Variants in TPO observed in about 807,000 individuals in gnomAD.
The protein encoded by TPO is thyroid microsomal antigen.
Under a neutral mutation model 96.9 loss-of-function variants are expected in TPO, and 78 were observed. The ratio of observed to expected loss-of-function variants is 0.81; its 90% CI spans 0.67 to 0.97. TPO has a LOEUF of 0.97. TPO is among the 50% of genes least tolerant of loss of function. The pLI is 0.00. For missense variants in TPO, 1,252 were observed against 1,274.8 expected, an observed-to-expected ratio of 0.98 and a Z score of 0.27; for synonymous variants, 547 against 538.0, an observed-to-expected ratio of 1.02 and a Z score of -0.23.
chr2:1,529,130 G>GTGCTA (rs1677365624), intron 15 of TPO, among the ~76,000 whole-genome samples: 2 of 13,248 alleles, frequency 1.5e-4, no homozygotes, highest in Non-Finnish European at 2.8e-4. Context: ...CAACCTCCCC[G>GTGCTA]AATCCCCCCA....
At chr2:1,431,250 G>A (rs146828175) in intron 3 of TPO, among the ~76,000 whole-genome samples, 22 of 152,180 alleles carry the variant, frequency 1.4e-4, no homozygotes, top group Middle Eastern at 3.4e-3. Flanking sequence ...GTTGTTTTAC[G>A]TTGTGTGGCA....
chr2:1,401,002 G>C (rs928573715), intron 1 of TPO, among the ~76,000 whole-genome samples: 4 of 152,124 alleles, frequency 2.6e-5, no homozygotes, highest in African/African-American at 9.7e-5. Flanking sequence ...ATAGTCTCCT[G>C]TGCTGACTTT....
chr2:1,409,495 GA>G (rs373652691), upstream of TPO, among the ~76,000 whole-genome samples: 648 of 152,282 alleles, frequency 4.3e-3, 3 homozygotes, highest in African/African-American at 0.015. Context: ...AGAGTTGGAA[GA>G]TAACACAGAG....
intron 1 of TPO, among the ~76,000 whole-genome samples, chr2:1,390,545 A>G (rs1661984274): frequency 6.6e-6 from 1 of 152,234 alleles, no homozygotes; most frequent in Admixed American, 6.5e-5. Context: ...GAATATACCC[A>G]GTAATGGGAT....
chr2:1,433,024 C>T (rs1665183256), intron 3 of TPO, among the ~76,000 whole-genome samples: 1 of 152,186 alleles, frequency 6.6e-6, no homozygotes, highest in Non-Finnish European at 1.5e-5. Flanking sequence ...GGGACACATG[C>T]AGCTTCTGCA....
intron 5 of TPO, among the ~76,000 whole-genome samples, chr2:1,448,577 C>A (rs1341765684): frequency 6.6e-6 from 1 of 152,214 alleles, no homozygotes; most frequent in African/African-American, 2.4e-5. Flanking sequence ...CGGCGACTGT[C>A]ACCTCTCAGC....
At chr2:1,388,195 T>C (rs1407273577) in intron 1 of TPO, among the ~76,000 whole-genome samples, 1 of 152,214 alleles carries the variant, frequency 6.6e-6, no homozygotes, top group Non-Finnish European at 1.5e-5. Flanking sequence ...CGTTCTCAGA[T>C]CACAAACTCC....
At chr2:1,507,233 A>G (rs1210955295) in intron 14 of TPO, among the ~76,000 whole-genome samples, 7 of 152,070 alleles carry the variant, frequency 4.6e-5, no homozygotes, top group Non-Finnish European at 1.5e-5. Flanking sequence ...GTTCTGTTCC[A>G]TTGGTCTATA....
chr2:1,388,393 T>C (rs1414481381), intron 1 of TPO, among the ~76,000 whole-genome samples: 2 of 152,192 alleles, frequency 1.3e-5, no homozygotes, highest in Non-Finnish European at 2.9e-5. Flanking sequence ...GTTTACCTAC[T>C]CAAGCCTCAG....
chr2:1,469,738 G>A (rs1349693608), intron 7 of TPO, among the ~76,000 whole-genome samples: 1 of 152,138 alleles, frequency 6.6e-6, no homozygotes, highest in Admixed American at 6.5e-5. Context: ...AGACCTTCAG[G>A]TTCCGCAGTG....
chr2:1,495,411 A>G (rs1257759213), intron 11 of TPO, among the ~76,000 whole-genome samples: 2 of 152,166 alleles, frequency 1.3e-5, no homozygotes, highest in Admixed American at 6.5e-5. Context: ...ATTTCTTCAC[A>G]TTGCAATTTT....
Position 1,511,340 on chromosome 2 carries a change from AGC to A in TPO, c.2519-5540_2519-5539del, listed in dbSNP as rs1674103583. ...CAGCCCTGCAGACTGGGGGTGCCAC[AGC>A]GCAGCCCTGCAGACTGGGGGTGCCA... is the stretch of plus-strand genomic sequence containing the variant. On this transcript the variant is annotated intron_variant, in intron 14 of 16. Coordinates refer to ENST00000329066, the MANE Select transcript of TPO (RefSeq NM_001206744.2). Among the ~76,000 whole-genome samples the A allele has an allele frequency of 4.1e-3, 4 of 970 alleles. 2 individuals are homozygous for A. The highest frequency in any genetic ancestry group is 0.03 in the South Asian group (2 of 66). 0.6% of individuals were successfully genotyped at this position (970 alleles called of 152,430 possible).
At chr2:1,473,915 ATGT>A (rs1421931410) in intron 7 of TPO, among the ~76,000 whole-genome samples, 1 of 152,184 alleles carries the variant, frequency 6.6e-6, no homozygotes, top group African/African-American at 2.4e-5. Flanking sequence ...GAATTTTTAG[ATGT>A]TGTAGACATC....
At chr2:1,402,473 G>A (rs959664230) in intron 1 of TPO, among the ~76,000 whole-genome samples, 7 of 152,124 alleles carry the variant, frequency 4.6e-5, no homozygotes, top group Non-Finnish European at 7.4e-5. Context: ...GGGATTTCCT[G>A]TTTCCTCAGT....
intron 10 of TPO, among the ~76,000 whole-genome samples, chr2:1,491,283 T>G (rs1671750452): frequency 6.6e-6 from 1 of 152,190 alleles, no homozygotes. Flanking sequence ...TCTGAAGCTG[T>G]GATGAGCTTC....
chr2:1,482,516 C>T (rs530071692), intron 8 of TPO, among the ~76,000 whole-genome samples: 4 of 152,272 alleles, frequency 2.6e-5, no homozygotes, highest in South Asian at 4.1e-4. Flanking sequence ...AGGAGGGGCA[C>T]CTGACAGCGA....
At chr2:1,478,297 GGAA>G (rs1670181502) in intron 8 of TPO, 1 of 985,330 alleles carries the variant, frequency 1.0e-6, no homozygotes, top group Non-Finnish European at 1.2e-6. Context: ...CAGGTTGTTA[GGAA>G]GAAGGATGGG....
chr2:1,379,493 G>A (rs1239532454), intron 1 of TPO, among the ~76,000 whole-genome samples: 1 of 152,134 alleles, frequency 6.6e-6, no homozygotes, highest in African/African-American at 2.4e-5. Context: ...GGGAGCCGTG[G>A]AATGCAGAGG....
chr2:1,510,294 G>A (rs1378510026), intron 14 of TPO, among the ~76,000 whole-genome samples: 2 of 152,206 alleles, frequency 1.3e-5, no homozygotes, highest in Admixed American at 6.5e-5. Context: ...CTAAGAAAGC[G>A]GATTCAGAAC....
Sources: gnomAD v4.1 joint callset for allele counts (sites outside exome capture counted in the v4.1 genomes callset) on GRCh38, gnomAD v4.1.1 for gene constraint, MANE v1.5 for transcripts, NCBI Gene and HGNC (gene_info 2026-07-23, HGNC 2026-07-21) for gene names.